The following CNGA1 variants were observed in gnomAD, a reference collection of about 807,000 sequenced individuals.
The protein encoded by CNGA1 is cyclic nucleotide-gated channel alpha-1.
In CNGA1, 53 loss-of-function variants were observed where a neutral mutation model predicts 69.7. That is an observed-to-expected ratio of 0.76 (90% confidence interval 0.61 to 0.96). CNGA1 has a LOEUF of 0.96. Ranked by LOEUF, CNGA1 falls within the 40% of genes least tolerant of loss-of-function variation. The pLI is 0.00. For missense variants in CNGA1, 739 were observed against 811.2 expected, an observed-to-expected ratio of 0.91 and a Z score of 1.08; for synonymous variants, 249 against 283.5, an observed-to-expected ratio of 0.88 and a Z score of 1.22.
intron 2 of CNGA1, among the ~76,000 whole-genome samples, chr4:48,007,670 A>G (rs1176597515): frequency 1.7e-4 from 1 of 6,020 alleles, no homozygotes; most frequent in Admixed American, 1.8e-3. Flanking sequence ...ACCTTAACTT[A>G]AAAAAAAAAA....
At chr4:47,947,695 A>G (rs1183154307) in intron 6 of CNGA1, among the ~76,000 whole-genome samples, 2 of 152,132 alleles carry the variant, frequency 1.3e-5, no homozygotes, top group African/African-American at 4.8e-5. Context: ...AAAAAAGGGA[A>G]AAAGAAATAG....
chr4:47,993,418 G>A (rs1283375830), intron 2 of CNGA1, among the ~76,000 whole-genome samples: 2 of 152,058 alleles, frequency 1.3e-5, no homozygotes, highest in African/African-American at 4.8e-5. Flanking sequence ...AGCTAGCAGG[G>A]TTCTGTCTTT....
chr4:47,987,621 C>A (rs1232795789), intron 2 of CNGA1, among the ~76,000 whole-genome samples: 1 of 150,350 alleles, frequency 6.7e-6, no homozygotes, highest in African/African-American at 2.5e-5. Flanking sequence ...TAATTTCTGC[C>A]CTTGTGGAGC....
chr4:47,941,990 A>C (rs1739104241), intron 9 of CNGA1, 51 bp downstream of exon 9: 4 of 1,167,814 alleles, frequency 3.4e-6, no homozygotes, highest in Non-Finnish European at 5.0e-6. Flanking sequence ...GAACTTGGAA[A>C]CTAGAAATGG....
intron 2 of CNGA1, among the ~76,000 whole-genome samples, chr4:47,989,500 C>A (rs1268705447): frequency 6.8e-6 from 1 of 147,304 alleles, no homozygotes; most frequent in Non-Finnish European, 1.5e-5. Context: ...CAAGCCCCCT[C>A]ATAAATTACT....
At chr4:47,987,683 G>A (rs1197443592) in intron 2 of CNGA1, among the ~76,000 whole-genome samples, 1 of 152,074 alleles carries the variant, frequency 6.6e-6, no homozygotes, top group Admixed American at 6.6e-5. Context: ...AAATATATAA[G>A]CACTCAGATG....
intron 3 of CNGA1, among the ~76,000 whole-genome samples, chr4:47,959,429 GA>G (rs143113641): frequency 0.33 from 49,803 of 151,732 alleles, 9,797 homozygotes; most frequent in Non-Finnish European, 0.44. Flanking sequence ...AGTACATGGA[GA>G]AAAAAAGAAA....
intron 3 of CNGA1, among the ~76,000 whole-genome samples, chr4:47,976,419 A>T (rs1199369408): frequency 6.7e-6 from 1 of 150,036 alleles, no homozygotes; most frequent in East Asian, 1.9e-4. Context: ...AAGCTTCTTA[A>T]GGTCAAGAAA....
chr4:48,016,670 T>C lies in CNGA1; in HGVS notation c.-410A>G. 1 of 594,274 alleles carries C rather than the reference T, an allele frequency of 1.7e-6. No individual in the cohort carries two copies. The highest frequency in any genetic ancestry group is 2.2e-5 in the South Asian group (1 of 45,714). 36.8% of individuals were successfully genotyped at this position (594,274 alleles called of 1,614,324 possible). ...CGCAACAAGCCCCGGGCAGCAGGGC[T>C]CGGCTGGCGCTGAGGCCCCGCCTGG... On this transcript the variant is annotated 5_prime_UTR_variant, in exon 1 of 11. Coordinates refer to ENST00000514170, the MANE Select transcript of CNGA1 (RefSeq NM_001379270.1).
At chr4:47,962,991 C>A (rs1283055234) in intron 3 of CNGA1, among the ~76,000 whole-genome samples, 4 of 151,774 alleles carry the variant, frequency 2.6e-5, no homozygotes, top group African/African-American at 9.7e-5. Flanking sequence ...AGGGTCTTAC[C>A]CTGTCACCCA....
At chr4:47,988,583 G>T (rs907246897) in intron 2 of CNGA1, among the ~76,000 whole-genome samples, 3 of 152,102 alleles carry the variant, frequency 2.0e-5, no homozygotes, top group South Asian at 4.1e-4. Flanking sequence ...GAGTGCAAAA[G>T]TTCTCATACA....
At chr4:47,961,435 T>C (rs892471194) in intron 3 of CNGA1, among the ~76,000 whole-genome samples, 1 of 152,204 alleles carries the variant, frequency 6.6e-6, no homozygotes, top group Non-Finnish European at 1.5e-5. Flanking sequence ...TGAGAACCAA[T>C]GATCAGACAC....
At chr4:47,989,584 GGTCA>G (rs1413567351) in intron 2 of CNGA1, among the ~76,000 whole-genome samples, 5 of 151,864 alleles carry the variant, frequency 3.3e-5, no homozygotes, top group Non-Finnish European at 7.4e-5. Flanking sequence ...ATAAAATTTT[GGTCA>G]GTCTTAAAGA....
chr4:47,968,848 A>G (rs1201806791), intron 3 of CNGA1, among the ~76,000 whole-genome samples: 1 of 152,198 alleles, frequency 6.6e-6, no homozygotes, highest in Non-Finnish European at 1.5e-5. Context: ...AAAGATATAG[A>G]GGCAGGAGAT....
At chr4:47,981,974 T>C (rs1223372746) in intron 2 of CNGA1, among the ~76,000 whole-genome samples, 2 of 152,188 alleles carry the variant, frequency 1.3e-5, no homozygotes, top group East Asian at 3.8e-4. Flanking sequence ...AATTGTCTAT[T>C]TTATGGAGGA....
intron 2 of CNGA1, among the ~76,000 whole-genome samples, chr4:48,000,002 G>T (rs1347307233): frequency 1.3e-5 from 2 of 151,964 alleles, no homozygotes; most frequent in African/African-American, 4.8e-5. Flanking sequence ...AAAAATAACA[G>T]AACTTCTAGA....
intron 2 of CNGA1, among the ~76,000 whole-genome samples, chr4:47,984,839 G>C (rs1741916561): frequency 6.6e-6 from 1 of 152,048 alleles, no homozygotes; most frequent in Non-Finnish European, 1.5e-5. Context: ...TTCTTGGGGA[G>C]TTAAGATCTT....
chr4:47,969,066 A>G (rs555706091), intron 3 of CNGA1, among the ~76,000 whole-genome samples: 23 of 152,298 alleles, frequency 1.5e-4, no homozygotes, highest in African/African-American at 5.5e-4. Flanking sequence ...TACTTTAGGA[A>G]GACTAATATA....
chr4:47,945,335 T>C (rs1235053355), intron 6 of CNGA1, among the ~76,000 whole-genome samples: 1 of 152,166 alleles, frequency 6.6e-6, no homozygotes, highest in Admixed American at 6.5e-5. Context: ...CCAAGACCCA[T>C]GAAGAAAGAC....
Sources: gnomAD v4.1 joint callset for allele counts (sites outside exome capture counted in the v4.1 genomes callset) on GRCh38, gnomAD v4.1.1 for gene constraint, MANE v1.5 for transcripts, NCBI Gene and HGNC (gene_info 2026-07-23, HGNC 2026-07-21) for gene names.